The following PARL variants were observed in gnomAD, a reference collection of about 807,000 sequenced individuals.
The protein encoded by PARL is presenilin associated rhomboid like, also known as presenilin-associated rhomboid-like protein, mitochondrial.
PARL carries 44 observed loss-of-function variants against 51.6 expected under a neutral mutation model. That is an observed-to-expected ratio of 0.85 (90% CI 0.67 to 1.10). The LOEUF (loss-of-function observed/expected upper bound fraction) is 1.10. Ranked by LOEUF, PARL falls within the 50% of genes least tolerant of loss-of-function variation. The pLI, the probability that PARL is intolerant of heterozygous loss-of-function variation, is 0.00. For synonymous variants in PARL, 172 were observed against 164.0 expected (o/e 1.05, Z -0.37); for missense variants, 441 against 469.5 (o/e 0.94, Z 0.56).
chr3:183,882,688 C>T (rs929776071), intron 1 of PARL, among the ~76,000 whole-genome samples: 1 of 152,124 alleles, frequency 6.6e-6, no homozygotes, highest in African/African-American at 2.4e-5. Context: ...TTGTGGACTA[C>T]TGAAATCTGT....
At chr3:183,861,689 C>CT (rs1731845998) in intron 4 of PARL, among the ~76,000 whole-genome samples, 1 of 152,090 alleles carries the variant, frequency 6.6e-6, no homozygotes, top group Non-Finnish European at 1.5e-5. Context: ...ATCAATTAGA[C>CT]TTTAAGTCTA....
At chr3:183,880,613 G>A (rs1734333794) in intron 1 of PARL, among the ~76,000 whole-genome samples, 1 of 151,896 alleles carries the variant, frequency 6.6e-6, no homozygotes, top group African/African-American at 2.4e-5. Context: ...CGTTGGCCAG[G>A]GTGGTCTCGA....
intron 1 of PARL, among the ~76,000 whole-genome samples, chr3:183,871,808 T>A (rs1733249914): frequency 6.6e-6 from 1 of 152,120 alleles, no homozygotes; most frequent in Admixed American, 6.6e-5. Flanking sequence ...CACAGGTGTA[T>A]ACATTAATCA....
chr3:183,851,707 A>T (rs80166307), intron 4 of PARL, among the ~76,000 whole-genome samples: 235 of 152,288 alleles, frequency 1.5e-3, no homozygotes, highest in Non-Finnish European at 1.1e-3. Flanking sequence ...AAAACTCAAC[A>T]ACCCAATGTA....
At chr3:183,882,269 T>TTTATATATATATATATATATATATATTTA (rs1560442485) in intron 1 of PARL, among the ~76,000 whole-genome samples, 2 of 30,484 alleles carry the variant, frequency 6.6e-5, no homozygotes, top group Non-Finnish European at 6.7e-5. Flanking sequence ...ATATATATAT[T>TTTATATATATATATATATATATATATTTA]TATATATATA....
intron 3 of PARL, among the ~76,000 whole-genome samples, chr3:183,865,767 A>G: frequency 6.6e-6 from 1 of 152,210 alleles, no homozygotes; most frequent in East Asian, 1.9e-4. Flanking sequence ...ATCCAAGTAA[A>G]ACAGTGGCCT....
chr3:183,833,597 G>C lies in PARL; in HGVS notation c.931-8C>G, dbSNP rs768463714. 4.4e-6 allele frequency: 7 copies of C among 1,598,770 alleles called. No homozygotes were observed. The highest frequency in any genetic ancestry group is 1.7e-5 in the Admixed American group (1 of 60,010). ...GATAATGGCTTTCAGGGCCTGAAAG[G>C]CAGCAAGAAACAAGCGGCACAACTG... On this transcript the variant is annotated splice_region_variant and splice_polypyrimidine_tract_variant and intron_variant, in intron 8 of 9. Coordinates refer to ENST00000317096, the MANE Select transcript of PARL (RefSeq NM_018622.7).
chr3:183,864,773 T>TA, intron 3 of PARL, among the ~76,000 whole-genome samples: 1 of 146,828 alleles, frequency 6.8e-6, no homozygotes, highest in African/African-American at 2.5e-5. Context: ...AGACTCTGTC[T>TA]CAAAAGAAAA....
chr3:183,867,666 C>G (rs1406933026), intron 2 of PARL, among the ~76,000 whole-genome samples, 199 bp downstream of exon 2: 2 of 150,926 alleles, frequency 1.3e-5, no homozygotes, highest in East Asian at 1.9e-4. Flanking sequence ...CGCCACTGCA[C>G]TCCAACCTGG....
intron 4 of PARL, among the ~76,000 whole-genome samples, chr3:183,845,013 C>A (rs1353996907): frequency 6.6e-6 from 1 of 152,168 alleles, no homozygotes; most frequent in Non-Finnish European, 1.5e-5. Context: ...TTGAAAACTA[C>A]AAACTTCAAA....
At chr3:183,858,460 G>A (rs1353487606) in intron 4 of PARL, among the ~76,000 whole-genome samples, 2 of 152,198 alleles carry the variant, frequency 1.3e-5, no homozygotes, top group Non-Finnish European at 2.9e-5. Flanking sequence ...AAATACACTA[G>A]TAGAGGAACT....
chr3:183,870,201 C>A, intron 1 of PARL, among the ~76,000 whole-genome samples: 1 of 148,190 alleles, frequency 6.7e-6, no homozygotes, highest in South Asian at 2.2e-4. Flanking sequence ...TCGCGTGAAC[C>A]TGGGAGGCAG....
chr3:183,829,649 G>GATTT lies in PARL; in HGVS notation c.1085_1088dup (p.Trp364AsnfsTer4). On this transcript the variant is annotated frameshift_variant, in exon 10 of 10. Transcript: ENST00000317096. LOFTEE classifies it high-confidence loss of function. ...GGCCATTAGTCCTTATTTCATGCCA[G>GATTT]ATTTTCACTAGCGGCTCCCTGTTCT... 6.2e-7 allele frequency: 1 copy of GATTT among 1,614,146 alleles called. No homozygotes were observed. Among genetic ancestry groups the GATTT allele is most frequent in the Non-Finnish European group, 8.5e-7 (1 of 1,180,014 alleles).
At chr3:183,863,710 A>G (rs1471507294) in intron 3 of PARL, among the ~76,000 whole-genome samples, 1 of 151,888 alleles carries the variant, frequency 6.6e-6, no homozygotes, top group Non-Finnish European at 1.5e-5. Flanking sequence ...AGGTGCTGGG[A>G]TTACAGATAT....
chr3:183,846,430 T>C (rs1465713760), intron 4 of PARL: 8 of 663,842 alleles, frequency 1.2e-5, no homozygotes, highest in Non-Finnish European at 1.5e-5. Flanking sequence ...GAGGCGGAGG[T>C]TGAGGTGAGC....
intron 1 of PARL, among the ~76,000 whole-genome samples, chr3:183,880,701 C>A (rs1577402204): frequency 6.6e-6 from 1 of 151,980 alleles, no homozygotes; most frequent in Non-Finnish European, 1.5e-5. Context: ...TGTGCCTGGC[C>A]AGCTCAGACT....
At chr3:183,877,455 AG>A in intron 1 of PARL, among the ~76,000 whole-genome samples, 1 of 152,360 alleles carries the variant, frequency 6.6e-6, no homozygotes, top group East Asian at 1.9e-4. Flanking sequence ...ACGGTTTGAG[AG>A]GATTTACTCC....
Position 183,862,820 on chromosome 3 carries a change from T to C in PARL, c.463-19A>G, listed in dbSNP as rs1296514280. 6.2e-7 allele frequency: 1 copy of C among 1,605,724 alleles called. No individual in the cohort carries two copies. Among genetic ancestry groups the C allele is most frequent in the Non-Finnish European group, 8.5e-7 (1 of 1,172,338 alleles). ...TGTTAATCTAAAACAGACAGAAAATTGCATCACCACATGTGAGAAATTTCA... is the reference window on the plus strand; with the variant it reads ...TGTTAATCTAAAACAGACAGAAAATCGCATCACCACATGTGAGAAATTTCA... On this transcript the variant is annotated intron_variant, in intron 3 of 9. Coordinates refer to ENST00000317096, the MANE Select transcript of PARL (RefSeq NM_018622.7).
At chr3:183,842,196 C>T in intron 6 of PARL, 102 bp downstream of exon 6, 1 of 1,132,762 alleles carries the variant, frequency 8.8e-7, no homozygotes, top group Non-Finnish European at 1.3e-6. Context: ...GTTCTGAGCA[C>T]TCACTACGTG....
Sources: gnomAD v4.1 joint callset for allele counts (sites outside exome capture counted in the v4.1 genomes callset) on GRCh38, gnomAD v4.1.1 for gene constraint, MANE v1.5 for transcripts, NCBI Gene and HGNC (gene_info 2026-07-23, HGNC 2026-07-21) for gene names.